The following CLSTN2 variants were observed in gnomAD, a reference collection of about 807,000 sequenced individuals.
CLSTN2 encodes calsyntenin 2, also known as calsyntenin-2.
A neutral mutation model predicts 101.2 loss-of-function variants in CLSTN2; 48 were observed. The ratio of observed to expected loss-of-function variants is 0.47; its 90% CI spans 0.38 to 0.60. CLSTN2 has a LOEUF of 0.60. CLSTN2 is among the 20% of genes least tolerant of loss of function. CLSTN2 has a pLI of 0.00. For missense variants in CLSTN2, 1,160 were observed against 1,238.2 expected (o/e 0.94, Z 0.95); for synonymous variants, 481 against 463.6 (o/e 1.04, Z -0.48).
intron 1 of CLSTN2, among the ~76,000 whole-genome samples, chr3:140,069,186 G>C (rs2107776052): frequency 6.6e-6 from 1 of 152,298 alleles, no homozygotes; most frequent in East Asian, 1.9e-4. Flanking sequence ...TCTCAGTACA[G>C]ACCAGCTCTT....
At chr3:140,397,496 C>T (rs1158073690) in intron 2 of CLSTN2, among the ~76,000 whole-genome samples, 1 of 152,148 alleles carries the variant, frequency 6.6e-6, no homozygotes, top group Non-Finnish European at 1.5e-5. Flanking sequence ...AGAGTGGTGT[C>T]TTATAAAGAA....
At chr3:139,947,690 G>A (rs966526589) in intron 1 of CLSTN2, among the ~76,000 whole-genome samples, 1 of 152,122 alleles carries the variant, frequency 6.6e-6, no homozygotes, top group Admixed American at 6.6e-5. Flanking sequence ...TCTCCCAAAG[G>A]AAAACCAATT....
At chr3:140,430,947 G>A (rs1348058710) in intron 5 of CLSTN2, among the ~76,000 whole-genome samples, 3 of 152,202 alleles carry the variant, frequency 2.0e-5, no homozygotes, top group East Asian at 1.9e-4. Flanking sequence ...AGAAGAAAGA[G>A]GATAGAAAAA....
chr3:140,011,364 G>A (rs1187461472), intron 1 of CLSTN2, among the ~76,000 whole-genome samples: 5 of 152,136 alleles, frequency 3.3e-5, no homozygotes, highest in African/African-American at 1.2e-4. Flanking sequence ...AAAGGGTAGG[G>A]GGAGGTGGCT....
intron 1 of CLSTN2, among the ~76,000 whole-genome samples, chr3:140,135,303 T>C (rs1266314644): frequency 6.6e-6 from 1 of 151,928 alleles, no homozygotes; most frequent in South Asian, 2.1e-4. Context: ...TGGAATTCTT[T>C]TGATGTCCCA....
intron 1 of CLSTN2, among the ~76,000 whole-genome samples, chr3:140,173,853 A>G (rs1217169502): frequency 1.3e-5 from 2 of 152,054 alleles, no homozygotes. Context: ...CACACAGCTC[A>G]GAGGTCCAGC....
chr3:140,566,005 C>T, intron 16 of CLSTN2, 48 bp from the exon 17 acceptor site: 1 of 1,610,692 alleles, frequency 6.2e-7, no homozygotes, highest in Non-Finnish European at 8.5e-7. Context: ...CCAAAATGGC[C>T]TCTGTTCAGC....
intron 16 of CLSTN2, among the ~76,000 whole-genome samples, chr3:140,564,859 C>A (rs2107795514): frequency 6.6e-6 from 1 of 152,316 alleles, no homozygotes; most frequent in Admixed American, 6.5e-5. Context: ...TCAAAGGAAG[C>A]CCTCTACATC....
intron 2 of CLSTN2, among the ~76,000 whole-genome samples, chr3:140,243,950 G>GC (rs1290827172): frequency 6.6e-6 from 1 of 152,170 alleles, no homozygotes; most frequent in Non-Finnish European, 1.5e-5. Flanking sequence ...GAGTATAACT[G>GC]CCCCCTCTTT....
chr3:139,951,721 C>A (rs910806636), intron 1 of CLSTN2, among the ~76,000 whole-genome samples: 3 of 152,146 alleles, frequency 2.0e-5, no homozygotes, highest in African/African-American at 7.2e-5. Flanking sequence ...ATCTTTAAGG[C>A]AGCTGCCACC....
chr3:140,490,596 GAAA>G (rs71149081), intron 8 of CLSTN2, among the ~76,000 whole-genome samples: 5 of 90,114 alleles, frequency 5.5e-5, no homozygotes, highest in Non-Finnish European at 2.1e-5. Flanking sequence ...CCTTGTCTCA[GAAA>G]AAAAAAAAAA....
intron 1 of CLSTN2, among the ~76,000 whole-genome samples, chr3:139,955,939 G>C (rs946735120): frequency 1.3e-5 from 2 of 152,150 alleles, no homozygotes; most frequent in Non-Finnish European, 2.9e-5. Context: ...GGGGTGGTAG[G>C]ACCCTGAGGA....
Position 140,570,793 on chromosome 3 carries a change from G to A in CLSTN2, c.*4540G>A, listed in dbSNP as rs538124897. 7.2e-5 allele frequency: 11 copies of A among 152,230 alleles called. No individual in the cohort carries two copies. The highest frequency in any genetic ancestry group is 5.2e-4 in the Admixed American group (8 of 15,286). The allele number at this position is 152,230 out of a possible 1,614,324, so 9.4% of individuals were successfully genotyped here. ...AGCAGCCAGCTAGATTTGGCCCAAG[G>A]CCAAAGTTTGGCAACCCGTACCATA... On this transcript the variant is annotated 3_prime_UTR_variant, in exon 17 of 17. Transcript: ENST00000458420.
intron 2 of CLSTN2, among the ~76,000 whole-genome samples, chr3:140,328,320 T>C (rs2087350436): frequency 1.3e-5 from 2 of 152,180 alleles, no homozygotes; most frequent in South Asian, 4.1e-4. Context: ...AGCTGTCTTG[T>C]TCATTTTTCA....
rs72981828 is a variant in CLSTN2 at position 140,010,468 on chromosome 3, T to G, written c.109+74985T>G. On this transcript the variant is annotated intron_variant, in intron 1 of 16. Coordinates refer to ENST00000458420, the MANE Select transcript of CLSTN2 (RefSeq NM_022131.3). ...TTGTCTGGCAGGCGCTCCTCTCTGA[T>G]CAGAGGAATGGCCCATATTTACATC... Among the ~76,000 whole-genome samples, 1,006 of 152,306 alleles carry G rather than the reference T, an allele frequency of 6.6e-3. 14 individuals are homozygous for G. Among genetic ancestry groups the G allele is most frequent in the African/African-American group, 0.022 (926 of 41,556 alleles).
chr3:140,135,107 CACACACACACATATATAT>C (rs1486671392), intron 1 of CLSTN2, among the ~76,000 whole-genome samples: 5 of 52,484 alleles, frequency 9.5e-5, no homozygotes, highest in African/African-American at 4.2e-4. Flanking sequence ...CACACACACA[CACACACACACATATATAT>C]ATATATATAT....
intron 4 of CLSTN2, 150 bp from the exon 5 acceptor site, chr3:140,420,975 C>T (rs1197215015): frequency 2.4e-6 from 2 of 824,742 alleles, no homozygotes; most frequent in South Asian, 1.8e-5. Flanking sequence ...CAAGTGGAGC[C>T]ATGCTCCTGT....
At chr3:140,121,773 G>A (rs1212860140) in intron 1 of CLSTN2, among the ~76,000 whole-genome samples, 2 of 152,298 alleles carry the variant, frequency 1.3e-5, no homozygotes, top group South Asian at 2.1e-4. Flanking sequence ...CTTGGTGAGA[G>A]GGAGCACATT....
At chr3:140,175,082 G>A (rs1309923300) in intron 1 of CLSTN2, among the ~76,000 whole-genome samples, 2 of 151,972 alleles carry the variant, frequency 1.3e-5, no homozygotes, top group Non-Finnish European at 2.9e-5. Flanking sequence ...CCCTTTATAC[G>A]AGTACACTAA....
Sources: gnomAD v4.1 joint callset for allele counts (sites outside exome capture counted in the v4.1 genomes callset) on GRCh38, gnomAD v4.1.1 for gene constraint, MANE v1.5 for transcripts, NCBI Gene and HGNC (gene_info 2026-07-23, HGNC 2026-07-21) for gene names.